The following ARMC9 variants were observed in gnomAD, a reference collection of about 807,000 sequenced individuals.
ARMC9 encodes armadillo repeat containing 9.
ARMC9 carries 94 observed loss-of-function variants against 107.0 expected under a neutral mutation model. That is an observed-to-expected ratio of 0.88 (90% confidence interval 0.74 to 1.04). ARMC9 has a LOEUF of 1.04. Among genes scored for constraint, ARMC9 ranks in the 50% least tolerant of loss-of-function variants. The pLI, the probability that ARMC9 is intolerant of heterozygous loss-of-function variation, is 0.00. For synonymous variants in ARMC9, 380 were observed against 396.9 expected, an observed-to-expected ratio of 0.96 and a Z score of 0.51; for missense variants, 942 against 1,030.1, an observed-to-expected ratio of 0.91 and a Z score of 1.17.
At chr2:231,334,370 G>C (rs2043943842) in intron 20 of ARMC9, among the ~76,000 whole-genome samples, 1 of 152,198 alleles carries the variant, frequency 6.6e-6, no homozygotes, top group Admixed American at 6.5e-5. Flanking sequence ...TCCAGCCTCT[G>C]GTGGCCCCAG....
intron 7 of ARMC9, among the ~76,000 whole-genome samples, chr2:231,228,524 A>G (rs1328347521): frequency 6.6e-6 from 1 of 152,198 alleles, no homozygotes; most frequent in East Asian, 1.9e-4. Context: ...CCAAGGGTGA[A>G]TGTCCCCAGA....
chr2:231,287,273 G>A (rs1168709519), intron 17 of ARMC9, among the ~76,000 whole-genome samples: 1 of 152,186 alleles, frequency 6.6e-6, no homozygotes. Context: ...CCAACAGAAT[G>A]ATGTGTATTC....
chr2:231,276,120 A>G (rs2039727304), intron 14 of ARMC9, among the ~76,000 whole-genome samples: 1 of 152,224 alleles, frequency 6.6e-6, no homozygotes, highest in Admixed American at 6.5e-5. Context: ...AGGCCTCCTT[A>G]CCACCTTATC....
At chr2:231,210,670 G>A (rs901434737) in intron 3 of ARMC9, among the ~76,000 whole-genome samples, 1 of 152,202 alleles carries the variant, frequency 6.6e-6, no homozygotes, top group African/African-American at 2.4e-5. Flanking sequence ...GGTGGCTGCT[G>A]TACACTTTCC....
At position 231,355,835 on chromosome 2, in the gene ARMC9, C is replaced by G. The variant is rs1416693711; in HGVS notation, c.2032C>G (p.His678Asp). ...ACACACACCTCCCCAGACAGCCCAG[C>G]ACGCCAGAAACGGCCACCCGCAGGC... ...DQHTPPQTAQ[H>D]ARNGHPQALP... The change falls in exon 22 of 25, where the codon CAC (histidine) becomes GAC (aspartate). Residue 678 changes from histidine (H) to aspartate (D), a missense_variant. Physicochemically the swap from His to Asp is moderately conservative, Grantham distance 81. Coordinates refer to ENST00000611582, the MANE Select transcript of ARMC9 (RefSeq NM_001352754.2). The G allele has an allele frequency of 9.8e-6, 15 of 1,536,028 alleles. No individual in the cohort carries two copies. The highest frequency in any genetic ancestry group is 1.4e-5 in the African/African-American group (1 of 73,064).
intron 19 of ARMC9, among the ~76,000 whole-genome samples, chr2:231,301,385 A>G (rs1480910339): frequency 6.6e-6 from 1 of 152,160 alleles, no homozygotes; most frequent in Non-Finnish European, 1.5e-5. Flanking sequence ...TTTTTTTAAT[A>G]ATAGATTTTT....
In ARMC9 at chr2:231,235,237, G is replaced by C. The variant is rs201590882; in HGVS notation, c.636G>C (p.Gln212His). ...CTGTCTTCCTAGAAATCTTGCAGCAGCTCCACCAGCAGCTGGTTGAAGCTG... is the reference window on the plus strand; with the variant it reads ...CTGTCTTCCTAGAAATCTTGCAGCACCTCCACCAGCAGCTGGTTGAAGCTG... ...NGQSNKEILQ[Q>H]LHQQLVEAER... The change falls in exon 8 of 25, where the codon CAG (glutamine) becomes CAC (histidine). Residue 212 changes from glutamine to histidine, a missense_variant. Transcript: ENST00000611582. 189 of 1,611,368 alleles carry C rather than the reference G, an allele frequency of 1.2e-4. 1 individual carries two copies. In the East Asian group the frequency reaches 1.8e-3, roughly 15 times the overall value.
intron 22 of ARMC9, among the ~76,000 whole-genome samples, chr2:231,356,155 C>G (rs1036686484): frequency 1.3e-5 from 2 of 152,186 alleles, no homozygotes; most frequent in Non-Finnish European, 2.9e-5. Flanking sequence ...CCTGTTGTCC[C>G]GTCTGGGAGC....
chr2:231,312,526 G>A (rs1350604562), intron 19 of ARMC9, among the ~76,000 whole-genome samples: 1 of 152,206 alleles, frequency 6.6e-6, no homozygotes, highest in Non-Finnish European at 1.5e-5. Context: ...TCTGCTACAG[G>A]GAGATTCTTC....
chr2:231,287,573 G>A (rs373217424), intron 17 of ARMC9, among the ~76,000 whole-genome samples: 1 of 151,786 alleles, frequency 6.6e-6, no homozygotes, highest in Non-Finnish European at 1.5e-5. Flanking sequence ...TCCTTTCGAC[G>A]GGGTCTCACT....
intron 10 of ARMC9, 43 bp from the exon 11 acceptor site, chr2:231,258,948 C>T: frequency 6.5e-7 from 1 of 1,532,210 alleles, no homozygotes; most frequent in South Asian, 1.1e-5. Context: ...TAAACATGCC[C>T]TTTTGCCCTT....
At chr2:231,224,298 G>A (rs761739734) in intron 6 of ARMC9, among the ~76,000 whole-genome samples, 1 of 152,116 alleles carries the variant, frequency 6.6e-6, no homozygotes, top group African/African-American at 2.4e-5. Flanking sequence ...AGTACAAAAA[G>A]TTAGCTGAGC....
chr2:231,323,863 T>C (rs76250278), intron 19 of ARMC9, among the ~76,000 whole-genome samples: 2,797 of 152,300 alleles, frequency 0.018, 42 homozygotes, highest in East Asian at 0.043. Context: ...TCTATGCATT[T>C]GACATTGAAA....
chr2:231,375,555 T>A lies in ARMC9; in HGVS notation c.*4020T>A, dbSNP rs1019684499. Reference sequence around the variant, plus strand: ...GATTCAATTGAACAAATATATTCTTTGGGGCTGCAGTGTGTCAGATGTGGA... The same window carrying A: ...GATTCAATTGAACAAATATATTCTTAGGGGCTGCAGTGTGTCAGATGTGGA... On this transcript the variant is annotated 3_prime_UTR_variant, in exon 25 of 25. Transcript: ENST00000611582. The surrounding 1 kb of genome is among the most constrained non-coding windows in gnomAD (Gnocchi z 4.3). Among the ~76,000 whole-genome samples the A allele has an allele frequency of 6.6e-6, 1 of 152,248 alleles. No homozygotes were observed. Among genetic ancestry groups the A allele is most frequent in the Admixed American group, 6.5e-5 (1 of 15,282 alleles).
chr2:231,217,310 A>C (rs565603993), intron 5 of ARMC9, among the ~76,000 whole-genome samples: 26 of 152,366 alleles, frequency 1.7e-4, no homozygotes, highest in Admixed American at 3.9e-4. Context: ...TTGGCTGAGC[A>C]CGGTGGCTTA....
At chr2:231,306,269 A>G (rs1049294591) in intron 19 of ARMC9, among the ~76,000 whole-genome samples, 1 of 152,192 alleles carries the variant, frequency 6.6e-6, no homozygotes, top group Non-Finnish European at 1.5e-5. Context: ...TGAGTGTTTT[A>G]TACCATGAGC....
chr2:231,258,165 C>T (rs1474897676), intron 10 of ARMC9, among the ~76,000 whole-genome samples: 2 of 152,046 alleles, frequency 1.3e-5, no homozygotes, highest in Admixed American at 6.6e-5. Context: ...CTAAGCCACC[C>T]ACCTAATTAC....
chr2:231,199,826 GC>G (rs1301676369), intron 1 of ARMC9, among the ~76,000 whole-genome samples: 1 of 152,034 alleles, frequency 6.6e-6, no homozygotes, highest in Non-Finnish European at 1.5e-5. Flanking sequence ...CTCCCTGGTA[GC>G]TGGGATTACA....
intron 11 of ARMC9, among the ~76,000 whole-genome samples, chr2:231,260,554 G>A (rs534622755): frequency 8.6e-4 from 131 of 152,318 alleles, no homozygotes; most frequent in South Asian, 1.7e-3. Context: ...GCTTCCTGAA[G>A]TACGTCTTGA....
Sources: allele counts gnomAD v4.1 joint callset (sites outside exome capture counted in the v4.1 genomes callset), GRCh38; gene constraint gnomAD v4.1.1; non-coding constraint Gnocchi (gnomAD v3.1); transcripts MANE v1.5; gene names NCBI Gene and HGNC (gene_info 2026-07-23, HGNC 2026-07-21).